CSMD1: variants seen among roughly 807,000 people sequenced by gnomAD.
CSMD1 encodes the protein CUB and sushi domain-containing protein 1.
Under a neutral mutation model 417.5 loss-of-function variants are expected in CSMD1, and 213 were observed. The ratio of observed to expected loss-of-function variants is 0.51; its 90% CI spans 0.46 to 0.57. The LOEUF (loss-of-function observed/expected upper bound fraction) is 0.57, where lower values mean the gene tolerates loss of function less well. Ranked by LOEUF, CSMD1 falls within the 20% of genes least tolerant of loss-of-function variation. The probability of loss-of-function intolerance (pLI) is 0.00; values close to 1 mark genes in which losing one functional copy is unlikely to be tolerated. For synonymous variants in CSMD1, 2,862 were observed against 1,736.8 expected (o/e 1.65, Z -16.11); for missense variants, 6,923 against 4,529.7 (o/e 1.53, Z -15.17).
intron 3 of CSMD1, among the ~76,000 whole-genome samples, chr8:4,057,008 G>C (rs1298116856): frequency 8.5e-5 from 13 of 152,194 alleles, no homozygotes; most frequent in South Asian, 2.1e-4. Context: ...GTGTGCATGT[G>C]TCTTTATAGC....
chr8:4,617,226 A>C (rs899621447), intron 2 of CSMD1, among the ~76,000 whole-genome samples: 1 of 152,212 alleles, frequency 6.6e-6, no homozygotes, highest in Non-Finnish European at 1.5e-5. Flanking sequence ...CAAATAGTGA[A>C]TAAAGAAAAT....
Position 4,065,028 on chromosome 8 carries a change from A to C in CSMD1, c.416-32929T>G, listed in dbSNP as rs1254669962. On this transcript the variant is annotated intron_variant, in intron 3 of 69. Transcript: ENST00000635120. ...CTTAAGTTGTTCATTTTTAAAAAAA[A>C]TCTGAAATGATTAAAATGTGCTAAA... Among the ~76,000 whole-genome samples the C allele has an allele frequency of 2.0e-5, 3 of 152,212 alleles. No homozygotes were observed. In the South Asian group the frequency reaches 6.2e-4, roughly 31 times the overall value.
chr8:4,596,471 G>C (rs374132834), intron 2 of CSMD1, among the ~76,000 whole-genome samples: 1 of 151,952 alleles, frequency 6.6e-6, no homozygotes, highest in Non-Finnish European at 1.5e-5. Flanking sequence ...TTTCATCATA[G>C]ACATAATACT....
intron 30 of CSMD1, among the ~76,000 whole-genome samples, chr8:3,206,957 A>G (rs1797328157): frequency 3.3e-5 from 5 of 151,980 alleles, no homozygotes. Flanking sequence ...AACATAGGGC[A>G]ATGACCAGCG....
chr8:3,987,392 C>T (rs183665906), intron 5 of CSMD1, among the ~76,000 whole-genome samples: 6 of 152,252 alleles, frequency 3.9e-5, no homozygotes, highest in East Asian at 1.9e-4. Flanking sequence ...GCCATGATAA[C>T]GACTAATGGA....
At chr8:3,988,463 C>G (rs1036278910) in intron 5 of CSMD1, among the ~76,000 whole-genome samples, 6 of 152,214 alleles carry the variant, frequency 3.9e-5, no homozygotes, top group Non-Finnish European at 7.3e-5. Context: ...CCTAACCTCT[C>G]ACAGCTCAGG....
intron 3 of CSMD1, among the ~76,000 whole-genome samples, chr8:4,355,721 T>G (rs929094559): frequency 6.6e-6 from 1 of 152,186 alleles, no homozygotes; most frequent in Admixed American, 6.5e-5. Flanking sequence ...GGTCCAGCAA[T>G]GCATCTTTAT....
intron 25 of CSMD1, among the ~76,000 whole-genome samples, chr8:3,296,823 G>A (rs561065763): frequency 3.3e-5 from 5 of 152,142 alleles, no homozygotes; most frequent in Non-Finnish European, 7.4e-5. Context: ...TTTATGGGAT[G>A]GGGAAAATCA....
chr8:3,720,620 T>TTCTCACACACAC (rs72331833), intron 6 of CSMD1, among the ~76,000 whole-genome samples: 14,214 of 143,276 alleles, frequency 0.099, 830 homozygotes, highest in South Asian at 0.13. Flanking sequence ...TCTTTATTCT[T>TTCTCACACACAC]ACACACACAC....
At chr8:3,877,525 T>G (rs1053735605) in intron 5 of CSMD1, among the ~76,000 whole-genome samples, 1 of 152,130 alleles carries the variant, frequency 6.6e-6, no homozygotes, top group Non-Finnish European at 1.5e-5. Context: ...CCCTCAAGCT[T>G]CGATGTTCCC....
At chr8:3,480,536 G>A (rs1157635226) in intron 11 of CSMD1, among the ~76,000 whole-genome samples, 1 of 152,106 alleles carries the variant, frequency 6.6e-6, no homozygotes, top group Admixed American at 6.6e-5. Flanking sequence ...AATAATTGCT[G>A]AAAACTTACC....
chr8:4,185,138 CAAAAAAAAAA>C (rs56216926), intron 3 of CSMD1, among the ~76,000 whole-genome samples: 2 of 75,120 alleles, frequency 2.7e-5, no homozygotes, highest in Non-Finnish European at 4.8e-5. Context: ...AATTTTGCCT[CAAAAAAAAAA>C]AAAAAAAAAA....
At chr8:4,738,010 A>G (rs747466512) in intron 1 of CSMD1, among the ~76,000 whole-genome samples, 2 of 152,206 alleles carry the variant, frequency 1.3e-5, no homozygotes, top group Non-Finnish European at 2.9e-5. Flanking sequence ...CTTTCTCCAC[A>G]TGTAACTTGG....
At chr8:3,785,043 A>G (rs2720744) in intron 5 of CSMD1, among the ~76,000 whole-genome samples, 151,719 of 152,332 alleles carry the variant, frequency 1, 75,558 homozygotes, top group Middle Eastern at 1. Context: ...TAGAGATAGA[A>G]AAACTGCCCA....
intron 1 of CSMD1, among the ~76,000 whole-genome samples, chr8:4,825,365 G>C (rs1250314864): frequency 6.6e-6 from 1 of 152,076 alleles, no homozygotes; most frequent in East Asian, 1.9e-4. Flanking sequence ...CTGACCTTGA[G>C]ATTTATTCGC....
intron 41 of CSMD1, among the ~76,000 whole-genome samples, chr8:3,126,369 G>A (rs1817510545): frequency 6.6e-6 from 1 of 151,498 alleles, no homozygotes; most frequent in South Asian, 2.1e-4. Flanking sequence ...ACAGACCCAG[G>A]AGGAGGCTAC....
chr8:4,831,426 T>C (rs1314665675), intron 1 of CSMD1, among the ~76,000 whole-genome samples: 2 of 152,190 alleles, frequency 1.3e-5, no homozygotes, highest in Non-Finnish European at 1.5e-5. Flanking sequence ...ACTACAAATA[T>C]CCATATGCAT....
At chr8:4,324,872 G>C (rs1010041713) in intron 3 of CSMD1, among the ~76,000 whole-genome samples, 2 of 152,150 alleles carry the variant, frequency 1.3e-5, no homozygotes, top group African/African-American at 2.4e-5. Context: ...CACACCTCAG[G>C]GTCCTGGATC....
At chr8:3,086,752 G>C (rs1814560090) in intron 49 of CSMD1, among the ~76,000 whole-genome samples, 1 of 152,126 alleles carries the variant, frequency 6.6e-6, no homozygotes, top group South Asian at 2.1e-4. Flanking sequence ...AAGAAAATGA[G>C]TTTTCCAGAA....
Sources: allele counts gnomAD v4.1 joint callset (sites outside exome capture counted in the v4.1 genomes callset), GRCh38; gene constraint gnomAD v4.1.1; transcripts MANE v1.5; gene names NCBI Gene and HGNC (gene_info 2026-07-23, HGNC 2026-07-21).